The following ARHGEF10 variants were observed in gnomAD, a reference collection of about 807,000 sequenced individuals.
The protein encoded by ARHGEF10 is Rho guanine nucleotide exchange factor (GEF) 10.
ARHGEF10 carries 140 observed loss-of-function variants against 147.4 expected under a neutral mutation model. That is an observed-to-expected ratio of 0.95 (90% CI 0.83 to 1.09). The LOEUF is 1.09. ARHGEF10 is among the 50% of genes least tolerant of loss of function. The pLI, the probability that ARHGEF10 is intolerant of heterozygous loss-of-function variation, is 0.00. For missense variants in ARHGEF10, 2,222 were observed against 1,752.7 expected (o/e 1.27, Z -4.78); for synonymous variants, 902 against 695.8 (o/e 1.30, Z -4.67).
intron 11 of ARHGEF10, among the ~76,000 whole-genome samples, chr8:1,888,605 G>C (rs761623979): frequency 7.1e-6 from 1 of 140,652 alleles, no homozygotes; most frequent in Non-Finnish European, 1.5e-5. Context: ...GTGTCACTGA[G>C]TGTGGTGAGG....
chr8:1,956,128 G>A (rs1445613976), intron 28 of ARHGEF10, among the ~76,000 whole-genome samples: 1 of 152,254 alleles, frequency 6.6e-6, no homozygotes, highest in Non-Finnish European at 1.5e-5. Flanking sequence ...TCCACGTGAT[G>A]CTTACAGAAT....
At position 1,880,146 on chromosome 8, in the gene ARHGEF10, G is replaced by T. The variant is rs1289936348; in HGVS notation, c.942G>T (p.Arg314Ser). Residue 314 changes from arginine to serine, a missense_variant, in exon 9 of 29, where the codon AGG becomes AGT. Arg to Ser is a moderately radical substitution (Grantham distance 110). Coordinates refer to ENST00000349830, the MANE Select transcript of ARHGEF10 (RefSeq NM_014629.4). ...GCGTGGTGGAGATTCAGCAGCTCAG[G>T]CAGAAGCATGAACTGAAGGTAGAGT... The part of the protein sequence containing the change: ...TVGVVEIQQL[R>S]QKHELKMQKL... 3.7e-6 allele frequency: 6 copies of T among 1,613,566 alleles called. No homozygotes were observed. In the African/African-American group the frequency reaches 8.0e-5, roughly 22 times the overall value.
In ARHGEF10 at chr8:1,858,100, G is replaced by A. The variant is rs763500882; in HGVS notation, c.178G>A (p.Ala60Thr). The change falls in exon 3 of 29, where the codon GCC (alanine) becomes ACC (threonine). Residue 60 changes from alanine to threonine, a missense_variant. By Grantham distance (58) the Ala-to-Thr change is moderately conservative (BLOSUM62 0). Coordinates refer to ENST00000349830, the MANE Select transcript of ARHGEF10 (RefSeq NM_014629.4). ...PETGGAGASE[A>T]PAPTGGEDGA... ...GACAGGAGGTGCTGGAGCCAGTGAA[G>A]CCCCTGCACCCACAGGTGAGTTTCC... 1.3e-6 allele frequency: 2 copies of A among 1,566,836 alleles called. No individual in the cohort carries two copies. Among genetic ancestry groups the A allele is most frequent in the East Asian group, 4.6e-5 (2 of 43,444 alleles).
At chr8:1,920,304 A>T (rs559019927) in intron 18 of ARHGEF10, among the ~76,000 whole-genome samples, 1 of 152,212 alleles carries the variant, frequency 6.6e-6, no homozygotes, top group African/African-American at 2.4e-5. Flanking sequence ...TTAACATTGC[A>T]CTTATAATTT....
chr8:1,945,419 C>G (rs531532788), intron 26 of ARHGEF10, 62 bp from the exon 27 acceptor site: 9 of 1,548,458 alleles, frequency 5.8e-6, no homozygotes. Flanking sequence ...CCACGTGGAC[C>G]CAACAGGCCC....
At chr8:1,838,488 C>T (rs1803725913) in intron 1 of ARHGEF10, among the ~76,000 whole-genome samples, 1 of 152,258 alleles carries the variant, frequency 6.6e-6, no homozygotes, top group African/African-American at 2.4e-5. Context: ...CTCAGGGCAG[C>T]AGTCAGCGTC....
intron 1 of ARHGEF10, among the ~76,000 whole-genome samples, chr8:1,834,694 T>C (rs1402127627): frequency 2.0e-5 from 3 of 152,222 alleles, no homozygotes; most frequent in Non-Finnish European, 4.4e-5. Flanking sequence ...CGGTGTTTGG[T>C]TGAGTTAACC....
intron 28 of ARHGEF10, among the ~76,000 whole-genome samples, chr8:1,954,446 C>G (rs1292670536): frequency 6.6e-6 from 1 of 150,408 alleles, no homozygotes. Context: ...GCTCAACCGG[C>G]AAGTGCAATG....
intron 2 of ARHGEF10, among the ~76,000 whole-genome samples, chr8:1,850,965 G>T (rs779811869): frequency 6.6e-6 from 1 of 151,404 alleles, no homozygotes; most frequent in Non-Finnish European, 1.5e-5. Flanking sequence ...CGCCCGGTGC[G>T]ATTCCAACCA....
chr8:1,909,619 G>A, intron 18 of ARHGEF10, 149 bp downstream of exon 18: 1 of 1,153,726 alleles, frequency 8.7e-7, no homozygotes, highest in South Asian at 1.3e-5. Context: ...TCTAGAATCT[G>A]TATGCTGTCT....
At chr8:1,946,681 C>G (rs1814621133) in intron 27 of ARHGEF10, among the ~76,000 whole-genome samples, 1 of 152,220 alleles carries the variant, frequency 6.6e-6, no homozygotes, top group African/African-American at 2.4e-5. Context: ...TCTGGGGAGA[C>G]ACAAACATTC....
At chr8:1,926,338 C>T in intron 22 of ARHGEF10, 39 bp from the exon 23 acceptor site, 1 of 1,552,056 alleles carries the variant, frequency 6.4e-7, no homozygotes, top group South Asian at 1.1e-5. Flanking sequence ...CCTCTTAGCT[C>T]TGTTTTATAT....
chr8:1,925,895 A>G (rs1282484676), intron 22 of ARHGEF10, among the ~76,000 whole-genome samples: 2 of 152,162 alleles, frequency 1.3e-5, no homozygotes, highest in East Asian at 3.9e-4. Flanking sequence ...GACACTGACA[A>G]TGTCTTATTC....
chr8:1,859,076 G>T (rs1186881974), intron 3 of ARHGEF10, among the ~76,000 whole-genome samples: 1 of 148,014 alleles, frequency 6.8e-6, no homozygotes, highest in Non-Finnish European at 1.5e-5. Flanking sequence ...TGTTTGCACG[G>T]TGTTTCTTTG....
chr8:1,956,044 AG>A (rs1241555606), intron 28 of ARHGEF10, among the ~76,000 whole-genome samples: 2 of 152,228 alleles, frequency 1.3e-5, no homozygotes, highest in African/African-American at 4.8e-5. Flanking sequence ...TTCATCTGAA[AG>A]CACTTGGGGA....
intron 7 of ARHGEF10, chr8:1,876,125 C>T (rs958805464): frequency 6.4e-5 from 13 of 204,248 alleles, no homozygotes; most frequent in Admixed American, 4.8e-4. Context: ...CCTATCCATC[C>T]ACCTACCCAT....
At chr8:1,893,011 G>C (rs1325348754) in intron 11 of ARHGEF10, among the ~76,000 whole-genome samples, 1 of 139,878 alleles carries the variant, frequency 7.1e-6, no homozygotes. Flanking sequence ...TTTTTTTTTT[G>C]CACCTCTAAG....
At chr8:1,897,445 C>T (rs1184191452) in intron 14 of ARHGEF10, among the ~76,000 whole-genome samples, 2 of 149,508 alleles carry the variant, frequency 1.3e-5, no homozygotes, top group African/African-American at 5.0e-5. Flanking sequence ...ATCGCAGTTC[C>T]CACTCTCGAC....
intron 2 of ARHGEF10, among the ~76,000 whole-genome samples, chr8:1,856,739 A>T (rs1405140083): frequency 1.3e-5 from 2 of 152,056 alleles, no homozygotes; most frequent in South Asian, 4.2e-4. Context: ...TCTGTGTTGG[A>T]GGGGCTTGGT....
Sources: gnomAD v4.1 joint callset for allele counts (sites outside exome capture counted in the v4.1 genomes callset) on GRCh38, gnomAD v4.1.1 for gene constraint, MANE v1.5 for transcripts, NCBI Gene and HGNC (gene_info 2026-07-23, HGNC 2026-07-21) for gene names.